The following PRKCB variants were observed in gnomAD, a reference collection of about 807,000 sequenced individuals.
PRKCB encodes protein kinase C beta type.
PRKCB carries 13 observed loss-of-function variants against 81.5 expected under a neutral mutation model. The observed-to-expected ratio is 0.16, with a 90% CI of 0.10 to 0.25. The LOEUF (loss-of-function observed/expected upper bound fraction) is 0.25. Ranked by LOEUF, PRKCB falls within the 10% of genes least tolerant of loss-of-function variation. The pLI is 1.00. For synonymous variants in PRKCB, 335 were observed against 321.4 expected (o/e 1.04, Z -0.45); for missense variants, 509 against 875.7 (o/e 0.58, Z 5.29).
chr16:23,844,929 G>A (rs1353968968), intron 2 of PRKCB, among the ~76,000 whole-genome samples: 7 of 151,896 alleles, frequency 4.6e-5, no homozygotes, highest in Non-Finnish European at 5.9e-5. Context: ...AGCCTCCCAA[G>A]TAGCTGCGAT....
chr16:23,898,009 C>T (rs998526385), intron 2 of PRKCB, among the ~76,000 whole-genome samples: 7 of 151,902 alleles, frequency 4.6e-5, no homozygotes, highest in Non-Finnish European at 1.0e-4. Flanking sequence ...AGCGATTCTT[C>T]TGCCTCAGCT....
At chr16:23,943,471 G>T (rs554069171) in intron 2 of PRKCB, among the ~76,000 whole-genome samples, 1 of 152,306 alleles carries the variant, frequency 6.6e-6, no homozygotes, top group East Asian at 1.9e-4. Flanking sequence ...GGAGGTTGCA[G>T]TGAGCCATGA....
chr16:24,035,116 G>T (rs1965596875), intron 4 of PRKCB, among the ~76,000 whole-genome samples: 1 of 152,214 alleles, frequency 6.6e-6, no homozygotes, highest in Non-Finnish European at 1.5e-5. Context: ...GAGCATTGAA[G>T]TTGGTGACTC....
At chr16:23,846,604 G>A (rs1348926544) in intron 2 of PRKCB, among the ~76,000 whole-genome samples, 15 of 53,704 alleles carry the variant, frequency 2.8e-4, no homozygotes, top group Admixed American at 5.6e-4. Context: ...GCGAGACTCC[G>A]TCTCAAAAAA....
At position 24,219,666 on chromosome 16, in the gene PRKCB, A is replaced by C. The variant is rs1256250938; in HGVS notation, c.*4850A>C. Reference sequence around the variant, plus strand: ...AAAGAAAATACAGCAACACACACACACACACACACACACACACACACACAC... The same window carrying C: ...AAAGAAAATACAGCAACACACACACCCACACACACACACACACACACACAC... On this transcript the variant is annotated 3_prime_UTR_variant, in exon 17 of 17. Coordinates refer to ENST00000643927, the MANE Select transcript of PRKCB (RefSeq NM_002738.7). The C allele has an allele frequency of 1.2e-6, 1 of 862,080 alleles. No homozygotes were observed. The highest frequency in any genetic ancestry group is 6.1e-5 in the Admixed American group (1 of 16,476). 53.4% of individuals were successfully genotyped at this position (862,080 alleles called of 1,614,324 possible).
intron 2 of PRKCB, among the ~76,000 whole-genome samples, chr16:23,987,983 A>G (rs1321640060): frequency 6.6e-6 from 1 of 152,090 alleles, no homozygotes; most frequent in African/African-American, 2.4e-5. Context: ...GTTGCTGCCT[A>G]TTTTTCCCAC....
intron 10 of PRKCB, among the ~76,000 whole-genome samples, chr16:24,166,041 C>T (rs1156885771): frequency 6.6e-6 from 1 of 151,814 alleles, no homozygotes; most frequent in African/African-American, 2.4e-5. Flanking sequence ...TGTGTGTCAC[C>T]ATACCTGGCT....
intron 2 of PRKCB, among the ~76,000 whole-genome samples, chr16:23,899,334 A>G (rs1334288912): frequency 6.6e-6 from 1 of 152,190 alleles, no homozygotes; most frequent in East Asian, 1.9e-4. Context: ...GTTTAAGGGA[A>G]ACAGTACATT....
At chr16:24,211,813 G>A (rs1475001376) in intron 16 of PRKCB, among the ~76,000 whole-genome samples, 1 of 152,106 alleles carries the variant, frequency 6.6e-6, no homozygotes, top group East Asian at 1.9e-4. Context: ...ACCCGCCTCG[G>A]CTTCCCAAAG....
intron 10 of PRKCB, among the ~76,000 whole-genome samples, chr16:24,155,299 G>A (rs1391523051): frequency 6.6e-6 from 1 of 152,148 alleles, no homozygotes; most frequent in East Asian, 1.9e-4. Context: ...CACAGCCCTC[G>A]AGGACTCTCA....
intron 5 of PRKCB, among the ~76,000 whole-genome samples, chr16:24,079,456 T>G (rs371255127): frequency 1.3e-4 from 20 of 152,342 alleles, no homozygotes; most frequent in African/African-American, 4.6e-4. Context: ...AATGATTTCT[T>G]TCTCTCAGAT....
At chr16:23,996,900 A>C (rs531325433) in intron 3 of PRKCB, among the ~76,000 whole-genome samples, 2 of 152,242 alleles carry the variant, frequency 1.3e-5, no homozygotes, top group East Asian at 3.9e-4. Flanking sequence ...GCTCTGAATC[A>C]GCATCTAGTA....
At chr16:23,891,466 C>T (rs527752429) in intron 2 of PRKCB, among the ~76,000 whole-genome samples, 1 of 152,140 alleles carries the variant, frequency 6.6e-6, no homozygotes, top group Admixed American at 6.5e-5. Flanking sequence ...TCAATTTTTC[C>T]TGTTGAGAGT....
At chr16:24,049,836 C>G (rs1965818986) in intron 5 of PRKCB, among the ~76,000 whole-genome samples, 5 of 152,218 alleles carry the variant, frequency 3.3e-5, no homozygotes, top group African/African-American at 1.2e-4. Context: ...ATTGTGGGTG[C>G]TTAGCCCACG....
chr16:23,836,400 G>T (rs1962157298), intron 1 of PRKCB, 52 bp downstream of exon 1: 2 of 1,580,802 alleles, frequency 1.3e-6, no homozygotes, highest in Non-Finnish European at 1.7e-6. Context: ...GCAGCGCCGC[G>T]CCAGGGACCC....
chr16:24,213,765 A>G (rs1400752673), intron 16 of PRKCB, among the ~76,000 whole-genome samples: 2 of 152,240 alleles, frequency 1.3e-5, no homozygotes, highest in Admixed American at 1.3e-4. Flanking sequence ...GGGAATTAGC[A>G]TGTACAGGTG....
intron 5 of PRKCB, among the ~76,000 whole-genome samples, chr16:24,042,561 C>T (rs185983935): frequency 1.3e-5 from 2 of 152,152 alleles, no homozygotes; most frequent in East Asian, 1.9e-4. Context: ...CCAACTATCT[C>T]GCTCTCCATC....
At chr16:23,916,448 C>T (rs754715250) in intron 2 of PRKCB, among the ~76,000 whole-genome samples, 6 of 151,952 alleles carry the variant, frequency 3.9e-5, no homozygotes, top group Admixed American at 1.3e-4. Context: ...CATTAAATTT[C>T]GAATAGTTAT....
intron 5 of PRKCB, among the ~76,000 whole-genome samples, chr16:24,091,867 G>A (rs1966381133): frequency 6.6e-6 from 1 of 152,122 alleles, no homozygotes; most frequent in Non-Finnish European, 1.5e-5. Flanking sequence ...GTGGAGCTGA[G>A]CTCTAATGCT....
Sources: gnomAD v4.1 joint callset for allele counts (sites outside exome capture counted in the v4.1 genomes callset) on GRCh38, gnomAD v4.1.1 for gene constraint, MANE v1.5 for transcripts, NCBI Gene and HGNC (gene_info 2026-07-23, HGNC 2026-07-21) for gene names.